Variants in CSMD1 observed in about 807,000 individuals in gnomAD.
CSMD1 encodes CUB and sushi domain-containing protein 1.
A neutral mutation model predicts 417.5 loss-of-function variants in CSMD1; 213 were observed. That is an observed-to-expected ratio of 0.51 (90% CI 0.46 to 0.57). The LOEUF (loss-of-function observed/expected upper bound fraction) is 0.57. Ranked by LOEUF, CSMD1 falls within the 20% of genes least tolerant of loss-of-function variation. CSMD1 has a pLI of 0.00. For missense variants in CSMD1, 6,923 were observed against 4,529.7 expected (o/e 1.53, Z -15.17); for synonymous variants, 2,862 against 1,736.8 (o/e 1.65, Z -16.11).
chr8:3,987,982 C>G (rs1016886561), intron 5 of CSMD1, among the ~76,000 whole-genome samples: 1 of 152,216 alleles, frequency 6.6e-6, no homozygotes, highest in African/African-American at 2.4e-5. Flanking sequence ...AACTTTTTAA[C>G]TCAATTTTCT....
intron 18 of CSMD1, among the ~76,000 whole-genome samples, chr8:3,374,672 T>G (rs1354344060): frequency 6.6e-6 from 1 of 152,104 alleles, no homozygotes; most frequent in Non-Finnish European, 1.5e-5. Context: ...ATGCAGAAGA[T>G]CAGAAGCAAC....
At chr8:4,385,634 T>A (rs1269670157) in intron 3 of CSMD1, among the ~76,000 whole-genome samples, 1 of 152,198 alleles carries the variant, frequency 6.6e-6, no homozygotes, top group African/African-American at 2.4e-5. Context: ...CAGTAACAGA[T>A]GCAAAGACAA....
chr8:3,639,433 C>T (rs1797199742), intron 7 of CSMD1, among the ~76,000 whole-genome samples: 1 of 152,148 alleles, frequency 6.6e-6, no homozygotes, highest in Non-Finnish European at 1.5e-5. Context: ...GCTGAAAAAA[C>T]ATCCTTGATA....
chr8:4,992,741 C>G (rs1465920755), intron 1 of CSMD1, among the ~76,000 whole-genome samples: 1 of 152,192 alleles, frequency 6.6e-6, no homozygotes, highest in Non-Finnish European at 1.5e-5. Context: ...CCTCCGCAGC[C>G]GGCAATGTCA....
chr8:3,348,665 T>A (rs1008427006), intron 21 of CSMD1, among the ~76,000 whole-genome samples: 2 of 151,940 alleles, frequency 1.3e-5, no homozygotes, highest in African/African-American at 4.8e-5. Flanking sequence ...ATCTTCAGGA[T>A]GTCACATCCC....
chr8:4,812,388 A>C (rs1272680372), intron 1 of CSMD1, among the ~76,000 whole-genome samples: 1 of 152,194 alleles, frequency 6.6e-6, no homozygotes, highest in Non-Finnish European at 1.5e-5. Context: ...TATAAATTCT[A>C]CTGCTCTATA....
intron 3 of CSMD1, among the ~76,000 whole-genome samples, chr8:4,062,577 G>C (rs1414274260): frequency 6.6e-6 from 1 of 151,146 alleles, no homozygotes; most frequent in Admixed American, 6.6e-5. Context: ...TCCTATAAAA[G>C]TTTTCAGTGA....
chr8:4,444,178 C>CT (rs1798645468), intron 2 of CSMD1, among the ~76,000 whole-genome samples: 1 of 151,516 alleles, frequency 6.6e-6, no homozygotes, highest in South Asian at 2.1e-4. Flanking sequence ...CCTGTGCCTA[C>CT]TAAAAATATA....
intron 10 of CSMD1, among the ~76,000 whole-genome samples, chr8:3,501,316 T>C (rs548807716): frequency 3.3e-5 from 5 of 152,284 alleles, no homozygotes; most frequent in South Asian, 4.1e-4. Flanking sequence ...GTATGCATCA[T>C]TGGGTTTCTT....
intron 4 of CSMD1, among the ~76,000 whole-genome samples, chr8:4,026,865 G>T (rs999259945): frequency 6.6e-6 from 1 of 152,162 alleles, no homozygotes; most frequent in Non-Finnish European, 1.5e-5. Flanking sequence ...CTGAGCAAAA[G>T]TTTGGAATTT....
chr8:4,491,342 G>A (rs183102294), intron 2 of CSMD1, among the ~76,000 whole-genome samples: 6 of 152,246 alleles, frequency 3.9e-5, no homozygotes, highest in East Asian at 3.9e-4. Flanking sequence ...AAGTCTGGGC[G>A]CACGTGTCCA....
chr8:4,037,918 T>C (rs547232197), intron 3 of CSMD1, among the ~76,000 whole-genome samples: 4 of 152,080 alleles, frequency 2.6e-5, no homozygotes, highest in South Asian at 2.1e-4. Flanking sequence ...TTAGTGGGAA[T>C]AGGAAAAAAA....
At chr8:3,067,615 T>C (rs916788267) in intron 49 of CSMD1, among the ~76,000 whole-genome samples, 8 of 149,416 alleles carry the variant, frequency 5.4e-5, no homozygotes, top group African/African-American at 2.0e-4. Flanking sequence ...TAGTATATAA[T>C]ATATAAATAT....
chr8:3,421,003 T>C lies in CSMD1; in HGVS notation c.1562-11398A>G, dbSNP rs537201021. The stretch of plus-strand genomic sequence containing the variant: ...AGTTTTCCTCTGTGCTGTAGATTAT[T>C]AAAAAAAAGACACTAAAAGCTGTGT... On this transcript the variant is annotated intron_variant, in intron 12 of 69. Transcript: ENST00000635120. Among the ~76,000 whole-genome samples, 3 of 152,132 alleles carry C rather than the reference T, an allele frequency of 2.0e-5. No homozygotes were observed. In the East Asian group the frequency reaches 5.8e-4, roughly 29 times the overall value.
chr8:3,471,321 C>A (rs1267627563), intron 11 of CSMD1, among the ~76,000 whole-genome samples: 1 of 152,158 alleles, frequency 6.6e-6, no homozygotes, highest in Non-Finnish European at 1.5e-5. Context: ...ATACTGAAAA[C>A]TCTCTTGATA....
intron 5 of CSMD1, among the ~76,000 whole-genome samples, chr8:3,915,184 C>G (rs1808732569): frequency 6.6e-6 from 1 of 151,846 alleles, no homozygotes; most frequent in African/African-American, 2.4e-5. Flanking sequence ...GGCAGGAGGA[C>G]CACCTAAGGT....
intron 7 of CSMD1, among the ~76,000 whole-genome samples, chr8:3,691,854 A>AT (rs931269514): frequency 1.3e-5 from 2 of 152,272 alleles, no homozygotes; most frequent in Admixed American, 1.3e-4. Context: ...TAACTTGAAT[A>AT]TTTTCAGGCA....
chr8:4,734,508 A>C (rs923421543), intron 1 of CSMD1, among the ~76,000 whole-genome samples: 1 of 152,202 alleles, frequency 6.6e-6, no homozygotes, highest in Non-Finnish European at 1.5e-5. Context: ...TTATTTCTAC[A>C]AAATAATAAC....
At chr8:3,544,054 T>C (rs566154937) in intron 10 of CSMD1, among the ~76,000 whole-genome samples, 1 of 152,186 alleles carries the variant, frequency 6.6e-6, no homozygotes, top group Non-Finnish European at 1.5e-5. Context: ...TGTCCAGTGC[T>C]AACCACAGGC....
Sources: allele counts gnomAD v4.1 joint callset (sites outside exome capture counted in the v4.1 genomes callset), GRCh38; gene constraint gnomAD v4.1.1; transcripts MANE v1.5; gene names NCBI Gene and HGNC (gene_info 2026-07-23, HGNC 2026-07-21).